The following INPP4B variants were observed in gnomAD, a reference collection of about 807,000 sequenced individuals.
INPP4B encodes inositol polyphosphate 4-phosphatase type II.
INPP4B carries 55 observed loss-of-function variants against 122.5 expected under a neutral mutation model. That is an observed-to-expected ratio of 0.45 (90% confidence interval 0.36 to 0.56). The LOEUF (loss-of-function observed/expected upper bound fraction) is 0.56. Ranked by LOEUF, INPP4B falls within the 20% of genes least tolerant of loss-of-function variation. The pLI is 0.00. For missense variants in INPP4B, 1,000 were observed against 1,097.7 expected, an observed-to-expected ratio of 0.91 and a Z score of 1.26; for synonymous variants, 403 against 388.7, an observed-to-expected ratio of 1.04 and a Z score of -0.43.
chr4:142,447,753 G>A (rs542225196), intron 3 of INPP4B, among the ~76,000 whole-genome samples: 11 of 152,236 alleles, frequency 7.2e-5, no homozygotes, highest in East Asian at 1.9e-4. Context: ...ATTTGTAATC[G>A]TAAATGAGAT....
At chr4:142,109,071 T>C (rs1048804891) in intron 22 of INPP4B, among the ~76,000 whole-genome samples, 3 of 152,140 alleles carry the variant, frequency 2.0e-5, no homozygotes, top group Admixed American at 6.5e-5. Context: ...CTAGGCATCA[T>C]TTTGGATTTC....
At chr4:142,784,264 G>A (rs1464894007) in intron 1 of INPP4B, among the ~76,000 whole-genome samples, 1 of 151,942 alleles carries the variant, frequency 6.6e-6, no homozygotes, top group Non-Finnish European at 1.5e-5. Context: ...TCAGGACGAT[G>A]AGGTAGGAGA....
rs1030024863 is a variant in INPP4B at position 142,576,099 on chromosome 4, A to G, written c.-190-113373T>C. On this transcript the variant is annotated intron_variant, in intron 2 of 25. Transcript: ENST00000262992. ...TAACACAGCTGCATTTCCACTCAATATCTACCTGGGGCTGATTCATTTAAT... is the reference window on the plus strand; with the variant it reads ...TAACACAGCTGCATTTCCACTCAATGTCTACCTGGGGCTGATTCATTTAAT... Among the ~76,000 whole-genome samples, 3 of 152,164 alleles carry G rather than the reference A, an allele frequency of 2.0e-5. No homozygotes were observed. In the East Asian group the frequency reaches 5.8e-4, roughly 29 times the overall value.
intron 7 of INPP4B, among the ~76,000 whole-genome samples, chr4:142,350,493 A>G (rs980808): frequency 0.32 from 48,327 of 151,716 alleles, 8,741 homozygotes; most frequent in South Asian, 0.45. Flanking sequence ...TTCTCACCAC[A>G]TTTCCCCTTC....
At chr4:142,375,478 TA>T (rs559063801) in intron 7 of INPP4B, among the ~76,000 whole-genome samples, 4 of 151,898 alleles carry the variant, frequency 2.6e-5, no homozygotes, top group Non-Finnish European at 5.9e-5. Context: ...GTTTGCTTAA[TA>T]AAAAAGTCAT....
intron 9 of INPP4B, among the ~76,000 whole-genome samples, chr4:142,273,925 G>A (rs1561706927): frequency 6.6e-6 from 1 of 151,792 alleles, no homozygotes; most frequent in Non-Finnish European, 1.5e-5. Context: ...AATGTAAAAT[G>A]TAGAAGCCAC....
At chr4:142,801,787 G>A (rs1164400663) in intron 1 of INPP4B, among the ~76,000 whole-genome samples, 1 of 152,188 alleles carries the variant, frequency 6.6e-6, no homozygotes, top group Non-Finnish European at 1.5e-5. Flanking sequence ...GGAAGGTACA[G>A]TTCCATTGTT....
At chr4:142,314,077 T>C (rs573637488) in intron 8 of INPP4B, among the ~76,000 whole-genome samples, 1 of 152,320 alleles carries the variant, frequency 6.6e-6, no homozygotes, top group East Asian at 1.9e-4. Flanking sequence ...TCTGGTCTTT[T>C]TCCTCCTCTC....
chr4:142,268,655 TA>T (rs1168705814), intron 10 of INPP4B, among the ~76,000 whole-genome samples: 7 of 152,186 alleles, frequency 4.6e-5, no homozygotes, highest in Admixed American at 6.5e-5. Context: ...TATACCACAA[TA>T]AAAAACTATT....
chr4:142,239,096 G>C (rs1857985819), intron 11 of INPP4B, among the ~76,000 whole-genome samples: 1 of 152,078 alleles, frequency 6.6e-6, no homozygotes, highest in Non-Finnish European at 1.5e-5. Flanking sequence ...GGGTCTGTAA[G>C]AACAACATAT....
intron 2 of INPP4B, among the ~76,000 whole-genome samples, chr4:142,502,020 G>C (rs529228108): frequency 6.6e-6 from 1 of 152,246 alleles, no homozygotes; most frequent in Non-Finnish European, 1.5e-5. Context: ...GTAAGTAAGT[G>C]ATTTGATAAG....
At chr4:142,273,351 C>T (rs1274668018) in intron 9 of INPP4B, among the ~76,000 whole-genome samples, 2 of 151,760 alleles carry the variant, frequency 1.3e-5, no homozygotes, top group Non-Finnish European at 2.9e-5. Flanking sequence ...TTACTGAAAT[C>T]GATATCTGAG....
intron 2 of INPP4B, among the ~76,000 whole-genome samples, chr4:142,484,533 T>C (rs1820967828): frequency 6.6e-6 from 1 of 152,058 alleles, no homozygotes; most frequent in Non-Finnish European, 1.5e-5. Context: ...TCCAAAATAT[T>C]TTTAAAAAGC....
rs183791319 is a variant in INPP4B at position 142,059,416 on chromosome 4, C to G, written c.2642+22615G>C. On this transcript the variant is annotated intron_variant, in intron 25 of 25. Coordinates refer to ENST00000262992, the MANE Select transcript of INPP4B (RefSeq NM_001101669.3). ...TTCTGTTTCCATTAAGTAGTTCGTA[C>G]TTAATACCCTAAAAGACTTAATCTA... Among the ~76,000 whole-genome samples the G allele has an allele frequency of 1.8e-4, 28 of 152,192 alleles. 1 individual carries two copies. The highest frequency in any genetic ancestry group is 3.4e-3 in the Middle Eastern group (1 of 294).
At chr4:142,333,094 T>A (rs1333391556) in intron 7 of INPP4B, among the ~76,000 whole-genome samples, 2 of 150,224 alleles carry the variant, frequency 1.3e-5, no homozygotes, top group Non-Finnish European at 3.0e-5. Flanking sequence ...CAGAGACAGA[T>A]TACATGGAAG....
chr4:142,424,005 T>C (rs1807509224), intron 5 of INPP4B, among the ~76,000 whole-genome samples: 1 of 151,994 alleles, frequency 6.6e-6, no homozygotes, highest in African/African-American at 2.4e-5. Flanking sequence ...TGTGTCTTTT[T>C]TGTATGTTCT....
At chr4:142,496,089 C>G (rs957846370) in intron 2 of INPP4B, among the ~76,000 whole-genome samples, 5 of 152,096 alleles carry the variant, frequency 3.3e-5, no homozygotes, top group Non-Finnish European at 7.4e-5. Flanking sequence ...GTTTAATCAG[C>G]AGTTTTCTTG....
chr4:142,816,977 G>A (rs1395011843), intron 1 of INPP4B, among the ~76,000 whole-genome samples: 1 of 152,116 alleles, frequency 6.6e-6, no homozygotes, highest in Non-Finnish European at 1.5e-5. Flanking sequence ...TGGAAATAGG[G>A]TCTTTGCAGA....
chr4:142,227,856 T>TAAAAAAAAAAAAAAAAAAA (rs60375355), intron 12 of INPP4B, among the ~76,000 whole-genome samples: 1 of 34,234 alleles, frequency 2.9e-5, no homozygotes, highest in Non-Finnish European at 5.6e-5. Flanking sequence ...AGACTCTATC[T>TAAAAAAAAAAAAAAAAAAA]AAAAAAAAAA....
Sources: gnomAD v4.1 joint callset for allele counts (sites outside exome capture counted in the v4.1 genomes callset) on GRCh38, gnomAD v4.1.1 for gene constraint, MANE v1.5 for transcripts, NCBI Gene and HGNC (gene_info 2026-07-23, HGNC 2026-07-21) for gene names.